Variants in ANK3 observed in about 807,000 individuals in gnomAD.
ANK3 encodes the protein ankyrin-3.
In ANK3, 57 loss-of-function variants were observed where a neutral mutation model predicts 370.9. The observed-to-expected ratio is 0.15, with a 90% CI of 0.12 to 0.19. ANK3 has a LOEUF of 0.19. Ranked by LOEUF, ANK3 falls within the 10% of genes least tolerant of loss-of-function variation. The pLI is 1.00. For missense variants in ANK3, 4,439 were observed against 5,302.1 expected, an observed-to-expected ratio of 0.84 and a Z score of 5.06; for synonymous variants, 1,929 against 1,946.3, an observed-to-expected ratio of 0.99 and a Z score of 0.23.
chr10:60,043,499 G>A, intron 42 of ANK3: 1 of 985,386 alleles, frequency 1.0e-6, no homozygotes, highest in Non-Finnish European at 1.2e-6. Context: ...AGAGAAAGGG[G>A]TTGACTGGAG....
intron 1 of ANK3, among the ~76,000 whole-genome samples, chr10:60,333,306 A>G (rs1441896827): frequency 1.4e-5 from 2 of 146,364 alleles, no homozygotes; most frequent in Non-Finnish European, 3.0e-5. Flanking sequence ...CCTAGACCCC[A>G]ACCCCCCGAC....
chr10:60,084,578 A>C (rs769700061), intron 32 of ANK3, 24 bp downstream of exon 32: 1 of 1,590,900 alleles, frequency 6.3e-7, no homozygotes, highest in Non-Finnish European at 8.6e-7. Flanking sequence ...TAATGAAATG[A>C]ACTTGTTTTT....
intron 2 of ANK3, among the ~76,000 whole-genome samples, chr10:60,554,942 T>C (rs978255700): frequency 1.3e-5 from 2 of 152,102 alleles, no homozygotes; most frequent in Admixed American, 6.5e-5. Context: ...AAAGATGAAA[T>C]AGCTTCCAAG....
chr10:60,273,807 G>A (rs2098040304), intron 4 of ANK3, among the ~76,000 whole-genome samples: 1 of 152,158 alleles, frequency 6.6e-6, no homozygotes, highest in Non-Finnish European at 1.5e-5. Context: ...TTATAAATGG[G>A]AGTTTCCCTG....
intron 2 of ANK3, among the ~76,000 whole-genome samples, chr10:60,499,680 T>C (rs1048139240): frequency 6.6e-6 from 1 of 152,158 alleles, no homozygotes; most frequent in African/African-American, 2.4e-5. Flanking sequence ...ACTGACAGGA[T>C]CAGAATGCCA....
intron 1 of ANK3, among the ~76,000 whole-genome samples, chr10:60,365,506 A>T (rs1001778451): frequency 3.3e-5 from 5 of 152,246 alleles, no homozygotes; most frequent in Non-Finnish European, 7.3e-5. Context: ...TTTAACAGTT[A>T]TTAGAAGCAT....
chr10:60,092,591 TTTC>T (rs1427909184), intron 28 of ANK3, among the ~76,000 whole-genome samples: 8 of 152,164 alleles, frequency 5.3e-5, no homozygotes, highest in Non-Finnish European at 8.8e-5. Flanking sequence ...ATAGAACTAT[TTTC>T]TTCTTTAATT....
intron 1 of ANK3, among the ~76,000 whole-genome samples, chr10:60,642,892 CAT>C (rs1206933025): frequency 6.9e-6 from 1 of 144,686 alleles, no homozygotes; most frequent in Non-Finnish European, 1.5e-5. Context: ...AAATATTATA[CAT>C]GATATAAAAC....
At chr10:60,302,842 AC>A (rs66803333) in intron 1 of ANK3, among the ~76,000 whole-genome samples, 20,371 of 151,594 alleles carry the variant, frequency 0.13, 1,461 homozygotes, top group African/African-American at 0.15. Context: ...AAAACAAACA[AC>A]AAAAAAAAAA....
chr10:60,096,198 AATAAG>A (rs1386336638), intron 28 of ANK3, among the ~76,000 whole-genome samples: 3 of 152,120 alleles, frequency 2.0e-5, no homozygotes, highest in African/African-American at 7.2e-5. Context: ...AATAAAATAA[AATAAG>A]ATAAAAGTAT....
intron 1 of ANK3, among the ~76,000 whole-genome samples, chr10:60,632,565 A>G (rs1010513817): frequency 6.6e-6 from 1 of 152,150 alleles, no homozygotes; most frequent in Non-Finnish European, 1.5e-5. Flanking sequence ...ACTGGGCAAC[A>G]CACTGAGACC....
At chr10:60,191,970 G>A (rs911230291) in intron 16 of ANK3, among the ~76,000 whole-genome samples, 7 of 151,950 alleles carry the variant, frequency 4.6e-5, no homozygotes, top group South Asian at 2.1e-4. Flanking sequence ...GTGCAGTGGC[G>A]CGGTCTTGGC....
chr10:60,055,552 G>T, intron 42 of ANK3, 106 bp downstream of exon 42: 4 of 1,385,926 alleles, frequency 2.9e-6, no homozygotes, highest in South Asian at 1.6e-5. Flanking sequence ...TTATAATTTA[G>T]AAATCGTAAA....
At chr10:60,586,554 G>A (rs574768961) in intron 2 of ANK3, among the ~76,000 whole-genome samples, 1 of 152,314 alleles carries the variant, frequency 6.6e-6, no homozygotes, top group East Asian at 1.9e-4. Flanking sequence ...GAGTAGGGGA[G>A]GGCACATGAT....
At chr10:60,713,838 C>T (rs2079744192) in intron 1 of ANK3, among the ~76,000 whole-genome samples, 1 of 151,742 alleles carries the variant, frequency 6.6e-6, no homozygotes, top group Non-Finnish European at 1.5e-5. Flanking sequence ...TACAGTGCAG[C>T]CTGGGCAACA....
At chr10:60,128,115 T>C (rs1465799996) in intron 25 of ANK3, among the ~76,000 whole-genome samples, 1 of 152,220 alleles carries the variant, frequency 6.6e-6, no homozygotes, top group African/African-American at 2.4e-5. Flanking sequence ...ACTGTCTAAA[T>C]ATAATCTTTC....
At chr10:60,581,694 T>C (rs983754110) in intron 2 of ANK3, among the ~76,000 whole-genome samples, 4 of 152,088 alleles carry the variant, frequency 2.6e-5, no homozygotes, top group Non-Finnish European at 5.9e-5. Flanking sequence ...TGCCTCGGCC[T>C]CCCAAAGTGC....
intron 1 of ANK3, among the ~76,000 whole-genome samples, chr10:60,300,955 T>C (rs531382573): frequency 6.6e-6 from 1 of 151,604 alleles, no homozygotes; most frequent in Admixed American, 6.6e-5. Flanking sequence ...ACATGCACAC[T>C]CTGAGGGCAT....
At chr10:60,499,155 A>G (rs1028872098) in intron 2 of ANK3, among the ~76,000 whole-genome samples, 1 of 152,198 alleles carries the variant, frequency 6.6e-6, no homozygotes, top group African/African-American at 2.4e-5. Context: ...AGTAGCCTCA[A>G]TATGTCCATA....
Sources: gnomAD v4.1 joint callset for allele counts (sites outside exome capture counted in the v4.1 genomes callset) on GRCh38, gnomAD v4.1.1 for gene constraint, MANE v1.5 for transcripts, NCBI Gene and HGNC (gene_info 2026-07-23, HGNC 2026-07-21) for gene names.